NELL1: variants seen among roughly 807,000 people sequenced by gnomAD.
NELL1 encodes the protein neural EGFL like 1.
Under a neutral mutation model 107.4 loss-of-function variants are expected in NELL1, and 76 were observed. That is an observed-to-expected ratio of 0.71 (90% confidence interval 0.59 to 0.86). NELL1 has a LOEUF of 0.86. Among genes scored for constraint, NELL1 ranks in the 40% least tolerant of loss-of-function variants. NELL1 has a pLI of 0.00. For synonymous variants in NELL1, 353 were observed against 341.2 expected (o/e 1.03, Z -0.38); for missense variants, 1,024 against 1,005.5 (o/e 1.02, Z -0.25).
chr11:21,032,403 GT>G (rs1033130743), intron 12 of NELL1, among the ~76,000 whole-genome samples: 7 of 152,108 alleles, frequency 4.6e-5, no homozygotes, highest in Admixed American at 4.6e-4. Context: ...TGTTGTTGTT[GT>G]TTTTAGACAG....
intron 13 of NELL1, among the ~76,000 whole-genome samples, chr11:21,166,054 C>T (rs1344296562): frequency 6.6e-6 from 1 of 151,630 alleles, no homozygotes; most frequent in Admixed American, 6.6e-5. Flanking sequence ...CGTGCCTGGC[C>T]CAAGATCTTG....
chr11:21,445,472 A>G (rs770689180), intron 15 of NELL1, among the ~76,000 whole-genome samples: 1 of 152,026 alleles, frequency 6.6e-6, no homozygotes, highest in Non-Finnish European at 1.5e-5. Flanking sequence ...GATTACAGGC[A>G]TGCACCACCA....
intron 15 of NELL1, among the ~76,000 whole-genome samples, chr11:21,422,871 T>C (rs539399312): frequency 5.7e-4 from 87 of 152,244 alleles, no homozygotes; most frequent in African/African-American, 2.0e-3. Context: ...GATTAATCTC[T>C]CCAATCAAGA....
intron 1 of NELL1, among the ~76,000 whole-genome samples, chr11:20,671,829 A>G (rs1171423701): frequency 6.6e-6 from 1 of 151,926 alleles, no homozygotes; most frequent in East Asian, 1.9e-4. Flanking sequence ...TGTGGAGGAG[A>G]GACAGTTTGA....
At chr11:21,456,928 A>G (rs947392574) in intron 15 of NELL1, among the ~76,000 whole-genome samples, 2 of 152,122 alleles carry the variant, frequency 1.3e-5, no homozygotes, top group Non-Finnish European at 2.9e-5. Flanking sequence ...TTTTAATTTG[A>G]TATGTTGATT....
chr11:21,194,854 G>A lies in NELL1; in HGVS notation c.1427-34478G>A, dbSNP rs79640947. On this transcript the variant is annotated intron_variant, in intron 13 of 19. Coordinates refer to ENST00000357134, the MANE Select transcript of NELL1 (RefSeq NM_006157.5). Reference sequence around the variant, plus strand: ...TGCAAAAGGTGCTTAGCACAGACCCGAGTCTAGAACTAGGGCATACACCAA... The same window carrying A: ...TGCAAAAGGTGCTTAGCACAGACCCAAGTCTAGAACTAGGGCATACACCAA... Among the ~76,000 whole-genome samples, 178 of 152,196 alleles carry A rather than the reference G, an allele frequency of 1.2e-3. 2 individuals are homozygous for A. The East Asian group carries it at 0.03, about 25-fold the overall frequency.
chr11:21,393,779 T>C (rs1264307104), intron 15 of NELL1, among the ~76,000 whole-genome samples: 1 of 151,688 alleles, frequency 6.6e-6, no homozygotes, highest in Non-Finnish European at 1.5e-5. Flanking sequence ...TTTTGAAAGA[T>C]GACTGACTAT....
chr11:20,809,488 A>G (rs1857454019), intron 3 of NELL1, among the ~76,000 whole-genome samples: 2 of 150,140 alleles, frequency 1.3e-5, no homozygotes, highest in Non-Finnish European at 3.0e-5. Flanking sequence ...ATCTAGTTGT[A>G]GCTTTGTAAA....
At chr11:21,061,225 C>G (rs1565039069) in intron 12 of NELL1, among the ~76,000 whole-genome samples, 1 of 152,118 alleles carries the variant, frequency 6.6e-6, no homozygotes, top group Non-Finnish European at 1.5e-5. Context: ...TGGAGCCAGA[C>G]AGTAGGCAAA....
intron 5 of NELL1, among the ~76,000 whole-genome samples, chr11:20,885,868 A>G (rs1849498773): frequency 6.6e-6 from 1 of 152,216 alleles, no homozygotes; most frequent in African/African-American, 2.4e-5. Flanking sequence ...TGACCTCCCA[A>G]TTCTGAAGGA....
chr11:20,997,222 G>T (rs1033994291), intron 12 of NELL1, among the ~76,000 whole-genome samples: 1 of 152,202 alleles, frequency 6.6e-6, no homozygotes, highest in African/African-American at 2.4e-5. Flanking sequence ...GAAAGGTGGT[G>T]AGTGCTTTGG....
chr11:21,247,931 T>G (rs1858536037), intron 14 of NELL1, among the ~76,000 whole-genome samples: 1 of 152,172 alleles, frequency 6.6e-6, no homozygotes, highest in Non-Finnish European at 1.5e-5. Flanking sequence ...GACCACCATT[T>G]TATATGCAAT....
In NELL1 at chr11:21,337,837, T is replaced by TTTCCTTTCTTTCTTTCTTTCTTTC. The variant is rs71034505; in HGVS notation, c.1550-33014_1550-33013insCCTTTCTTTCTTTCTTTCTTTCTT. ...CTTTCCTTCTTTCTTTCTTTCTTTC[T>TTTCCTTTCTTTCTTTCTTTCTTTC]TTTCTTTCTTTCTTTCTTTCTTTCT... On this transcript the variant is annotated intron_variant, in intron 14 of 19. Transcript: ENST00000357134. 1.7e-4 allele frequency among the ~76,000 whole-genome samples: 15 copies of TTTCCTTTCTTTCTTTCTTTCTTTC among 86,652 alleles called. 1 individual carries two copies. The highest frequency in any genetic ancestry group is 7.1e-4 in the African/African-American group (15 of 21,242). The allele number at this position is 86,652 out of a possible 152,430, so 56.8% of individuals were successfully genotyped here. A position where few individuals can be genotyped will look rare whatever the true frequency, so the allele number is the denominator to read the frequency against.
intron 14 of NELL1, among the ~76,000 whole-genome samples, chr11:21,336,228 T>C (rs1209540439): frequency 6.6e-6 from 1 of 152,018 alleles, no homozygotes; most frequent in African/African-American, 2.4e-5. Context: ...CCTGCATCTA[T>C]GTAGAACTTA....
intron 15 of NELL1, among the ~76,000 whole-genome samples, chr11:21,441,836 C>T (rs866520412): frequency 3.9e-5 from 6 of 152,022 alleles, no homozygotes; most frequent in African/African-American, 1.2e-4. Context: ...TTATTTTGAC[C>T]TTGTTTCTTT....
intron 14 of NELL1, among the ~76,000 whole-genome samples, chr11:21,290,210 A>G (rs1216568656): frequency 1.3e-5 from 2 of 151,920 alleles, no homozygotes; most frequent in Non-Finnish European, 2.9e-5. Flanking sequence ...TCTACTAAAA[A>G]TACAAAAAAT....
At chr11:20,735,896 A>G (rs1855751304) in intron 2 of NELL1, among the ~76,000 whole-genome samples, 1 of 152,074 alleles carries the variant, frequency 6.6e-6, no homozygotes, top group Non-Finnish European at 1.5e-5. Context: ...GTCCTGTAGT[A>G]GAGTCTGTAA....
chr11:21,513,248 GT>G (rs1341212931), intron 15 of NELL1, among the ~76,000 whole-genome samples: 1 of 152,200 alleles, frequency 6.6e-6, no homozygotes, highest in African/African-American at 2.4e-5. Flanking sequence ...ATTAATGCCT[GT>G]GAAATAATAC....
intron 2 of NELL1, among the ~76,000 whole-genome samples, chr11:20,740,405 T>G (rs1306296950): frequency 6.6e-6 from 1 of 152,198 alleles, no homozygotes; most frequent in African/African-American, 2.4e-5. Flanking sequence ...TGGCCTTGCA[T>G]TTCCCCGGTC....
Sources: allele counts gnomAD v4.1 joint callset (sites outside exome capture counted in the v4.1 genomes callset), GRCh38; gene constraint gnomAD v4.1.1; transcripts MANE v1.5; gene names NCBI Gene and HGNC (gene_info 2026-07-23, HGNC 2026-07-21).